Variants in CSMD3 observed in about 807,000 individuals in gnomAD.
CSMD3 encodes CUB and Sushi multiple domains 3, also known as CUB and sushi domain-containing protein 3.
A neutral mutation model predicts 435.2 loss-of-function variants in CSMD3; 177 were observed. That is an observed-to-expected ratio of 0.41 (90% CI 0.36 to 0.46). The LOEUF is 0.46. Among genes scored for constraint, CSMD3 ranks in the 20% least tolerant of loss-of-function variants. The pLI, the probability that CSMD3 is intolerant of heterozygous loss-of-function variation, is 0.34. For synonymous variants in CSMD3, 1,656 were observed against 1,520.5 expected, an observed-to-expected ratio of 1.09 and a Z score of -2.07; for missense variants, 4,265 against 4,504.6, an observed-to-expected ratio of 0.95 and a Z score of 1.52.
intron 13 of CSMD3, among the ~76,000 whole-genome samples, chr8:112,693,268 G>A (rs1168698578): frequency 1.3e-5 from 2 of 152,106 alleles, no homozygotes; most frequent in Non-Finnish European, 2.9e-5. Context: ...AAGTAGTTGT[G>A]TTAAAGTGCT....
chr8:112,573,400 A>G, intron 24 of CSMD3, 101 bp downstream of exon 24: 1 of 1,020,970 alleles, frequency 9.8e-7, no homozygotes, highest in Non-Finnish European at 1.6e-6. Context: ...CTGTAAATTA[A>G]TAATCAAATA....
At chr8:112,824,444 G>A (rs1272131958) in intron 12 of CSMD3, among the ~76,000 whole-genome samples, 1 of 152,140 alleles carries the variant, frequency 6.6e-6, no homozygotes, top group African/African-American at 2.4e-5. Context: ...GCTGGTACTT[G>A]TCTTTCCTTT....
At chr8:113,321,806 T>C (rs1015384579) in intron 1 of CSMD3, among the ~76,000 whole-genome samples, 7 of 152,132 alleles carry the variant, frequency 4.6e-5, no homozygotes, top group Non-Finnish European at 1.0e-4. Context: ...TTTGTAAAGA[T>C]TTGGGGTGAA....
In CSMD3 at chr8:112,608,799, C is replaced by CA. The variant is rs201374259; in HGVS notation, c.3716-21565dup. Among the ~76,000 whole-genome samples, 41 of 151,834 alleles carry CA rather than the reference C, an allele frequency of 2.7e-4. No individual in the cohort carries two copies. In the East Asian group the frequency reaches 7.2e-3, roughly 27 times the overall value. On this transcript the variant is annotated intron_variant, in intron 22 of 70. Transcript: ENST00000297405. ...TGTTAGAAAAGCTAATATTCAAATG[C>CA]AAAAATATGAAACTGGCTCTTTATC...
intron 42 of CSMD3, among the ~76,000 whole-genome samples, chr8:112,340,692 C>G (rs1011323415): frequency 1.3e-5 from 2 of 151,960 alleles, no homozygotes; most frequent in African/African-American, 4.8e-5. Context: ...ACAGAATATA[C>G]ACATATAAGA....
intron 64 of CSMD3, among the ~76,000 whole-genome samples, chr8:112,245,562 G>A (rs1435211392): frequency 6.6e-6 from 1 of 152,098 alleles, no homozygotes; most frequent in Non-Finnish European, 1.5e-5. Flanking sequence ...TTTGAGATAA[G>A]AGTTTCACTC....
At chr8:113,127,055 CACA>C (rs1416014437) in intron 4 of CSMD3, among the ~76,000 whole-genome samples, 1 of 151,940 alleles carries the variant, frequency 6.6e-6, no homozygotes, top group Non-Finnish European at 1.5e-5. Flanking sequence ...TACATAGCAC[CACA>C]ACACCACTTT....
In CSMD3 at chr8:112,587,137, G is replaced by A. The variant is rs151026267; in HGVS notation, c.3814C>T (p.Gln1272Ter). The A allele has an allele frequency of 6.2e-7, 1 of 1,609,978 alleles. No homozygotes were observed. The highest frequency in any genetic ancestry group is 8.5e-7 in the Non-Finnish European group (1 of 1,176,946). ...ENNHECIYSI[Q>*]VQAGKGINIS... ...TTGATTCCCTTTCCTGCTTGAACCTGAATACTATAAATGCATTCATGGTTG... is the reference window on the plus strand; with the variant it reads ...TTGATTCCCTTTCCTGCTTGAACCTAAATACTATAAATGCATTCATGGTTG... The change falls in exon 23 of 71, where the codon CAG becomes TAG. Residue 1272 changes from glutamine (Q) to a stop codon, truncating the protein, a stop_gained. Coordinates refer to ENST00000297405, the MANE Select transcript of CSMD3 (RefSeq NM_198123.2). LOFTEE classifies it high-confidence loss of function.
intron 1 of CSMD3, chr8:113,376,947 G>A: frequency 1.3e-6 from 2 of 1,536,836 alleles, no homozygotes; most frequent in Non-Finnish European, 1.8e-6. Context: ...TGCGGGTTCA[G>A]GAGGTGCCCA....
At position 112,402,251 on chromosome 8, in the gene CSMD3, C is replaced by T. The variant is rs1225265414; in HGVS notation, c.5809+4273G>A. On this transcript the variant is annotated intron_variant, in intron 35 of 70. Transcript: ENST00000297405. ...CTTCAATTCAGTCATGCGGACAAAG[C>T]GAAGACATTCACCCACGACTCTTGT... Among the ~76,000 whole-genome samples the T allele has an allele frequency of 4.6e-5, 7 of 152,258 alleles. No homozygotes were observed. In the South Asian group the frequency reaches 6.2e-4, roughly 14 times the overall value.
At position 112,263,785 on chromosome 8, in the gene CSMD3, A is replaced by C. The variant is rs781178519; in HGVS notation, c.9716T>G (p.Ile3239Ser). The change falls in exon 61 of 71, where the codon ATC (isoleucine) becomes AGC (serine). Residue 3239 changes from isoleucine to serine, a missense_variant. Physicochemically the swap from Ile to Ser is moderately radical, Grantham distance 142. Around this residue, in one of 3 missense-constraint regions of CSMD3, gnomAD observed 3,255 missense variants for 3,380.2 expected, o/e 0.96. Transcript: ENST00000297405. ...TGTTCCTTCCAGCCTTCCATTAGAG[A>C]TCTGGGGAGGAGTTGGGCAGGTAAC... ...RAVTCPTPPQ[I>S]SNGRLEGTNF... 7 of 1,613,844 alleles carry C rather than the reference A, an allele frequency of 4.3e-6. No homozygotes were observed. The highest frequency in any genetic ancestry group is 5.1e-6 in the Non-Finnish European group (6 of 1,179,784).
chr8:113,260,856 A>T (rs1204484115), intron 3 of CSMD3, among the ~76,000 whole-genome samples: 2 of 152,162 alleles, frequency 1.3e-5, no homozygotes, highest in Non-Finnish European at 2.9e-5. Context: ...TAGTTTGCTG[A>T]GAGTGATGGC....
intron 27 of CSMD3, among the ~76,000 whole-genome samples, chr8:112,535,711 C>A (rs1826009393): frequency 6.6e-6 from 1 of 152,110 alleles, no homozygotes; most frequent in Non-Finnish European, 1.5e-5. Flanking sequence ...CCCGCATCGC[C>A]AAGTCGATCC....
At chr8:112,977,780 T>C (rs1416093106) in intron 6 of CSMD3, among the ~76,000 whole-genome samples, 2 of 152,092 alleles carry the variant, frequency 1.3e-5, no homozygotes, top group African/African-American at 2.4e-5. Flanking sequence ...CTATTGAATA[T>C]TTATCCAAGT....
At chr8:112,615,583 G>T (rs1039132138) in intron 22 of CSMD3, among the ~76,000 whole-genome samples, 9 of 151,868 alleles carry the variant, frequency 5.9e-5, no homozygotes, top group Non-Finnish European at 1.3e-4. Context: ...TATAGAATAC[G>T]CCTACATCAT....
At chr8:113,303,984 A>C (rs74887487) in intron 2 of CSMD3, among the ~76,000 whole-genome samples, 4,579 of 114,654 alleles carry the variant, frequency 0.04, 105 homozygotes, top group East Asian at 0.17. Context: ...CAACCTACAA[A>C]ATGGGAGAAA....
chr8:112,369,328 C>A (rs1317908598), intron 38 of CSMD3, among the ~76,000 whole-genome samples: 1 of 151,796 alleles, frequency 6.6e-6, no homozygotes, highest in East Asian at 1.9e-4. Flanking sequence ...TACAAAAACC[C>A]AAAAGCAAGA....
chr8:112,895,052 A>C (rs1405510081), intron 10 of CSMD3, among the ~76,000 whole-genome samples: 1 of 151,308 alleles, frequency 6.6e-6, no homozygotes, highest in African/African-American at 2.4e-5. Context: ...CATTCCTCTT[A>C]TTTGTCCCTT....
At chr8:113,213,674 C>T (rs1563554748) in intron 3 of CSMD3, among the ~76,000 whole-genome samples, 2 of 151,600 alleles carry the variant, frequency 1.3e-5, no homozygotes, top group African/African-American at 2.4e-5. Context: ...ATTATGAAGC[C>T]CATACAGCAA....
Sources: allele counts gnomAD v4.1 joint callset (sites outside exome capture counted in the v4.1 genomes callset), GRCh38; gene constraint gnomAD v4.1.1; regional missense constraint gnomAD v4.1.1; transcripts MANE v1.5; gene names NCBI Gene and HGNC (gene_info 2026-07-23, HGNC 2026-07-21).